PCDHGB4: variants seen among roughly 807,000 people sequenced by gnomAD.
The protein encoded by PCDHGB4 is protocadherin gamma-B4.
PCDHGB4 carries 38 observed loss-of-function variants against 60.5 expected under a neutral mutation model. The ratio of observed to expected loss-of-function variants is 0.63; its 90% CI spans 0.48 to 0.82. The LOEUF is 0.82. Among genes scored for constraint, PCDHGB4 ranks in the 40% least tolerant of loss-of-function variants. The pLI is 0.00. For missense variants in PCDHGB4, 1,109 were observed against 1,209.6 expected (o/e 0.92, Z 1.23); for synonymous variants, 456 against 509.7 (o/e 0.89, Z 1.42).
chr5:141,460,553 C>A (rs2098991893), intron 1 of PCDHGB4, among the ~76,000 whole-genome samples: 1 of 152,032 alleles, frequency 6.6e-6, no homozygotes. Context: ...AATCAAAAAT[C>A]ATTTGGCCAT....
chr5:141,404,880 T>C, intron 1 of PCDHGB4: 2 of 1,613,896 alleles, frequency 1.2e-6, no homozygotes, highest in Non-Finnish European at 8.5e-7. Flanking sequence ...CAGAGCCTTG[T>C]GGTGGCTGTA....
chr5:141,487,032 C>T lies in PCDHGB4; in HGVS notation c.2398-7775C>T. 6.2e-7 allele frequency: 1 copy of T among 1,614,210 alleles called. No individual in the cohort carries two copies. The highest frequency in any genetic ancestry group is 1.1e-5 in the South Asian group (1 of 91,084). ...GAGGCCCCAGATCCCAGCCTGTTTG[C>T]AGTCTCTCGATATGCTGGGGAGGTG... On this transcript the variant is annotated intron_variant, in intron 1 of 3. Coordinates refer to ENST00000519479, the MANE Select transcript of PCDHGB4 (RefSeq NM_003736.4). The surrounding 1 kb of genome is among the most constrained non-coding windows in gnomAD (Gnocchi z 5.0).
intron 1 of PCDHGB4, chr5:141,417,692 C>T (rs2096147964): frequency 1.8e-6 from 2 of 1,089,118 alleles, no homozygotes; most frequent in Non-Finnish European, 2.5e-6. Flanking sequence ...AAAAGAAAAC[C>T]AGCTCCCACA....
rs1225473275 is a variant in PCDHGB4 at position 141,512,442 on chromosome 5, TC to T, written c.*1271del. ...GGCCCCTGCCCTCCTGAAGCCTCAG[TC>T]CTTCACCTTGCCAGGTGCCGTTTCT... is the stretch of plus-strand genomic sequence containing the variant. On this transcript the variant is annotated 3_prime_UTR_variant, in exon 4 of 4. Transcript: ENST00000519479. 1 of 152,892 alleles carries T rather than the reference TC, an allele frequency of 6.5e-6. No individual in the cohort carries two copies. Among genetic ancestry groups the T allele is most frequent in the African/African-American group, 2.4e-5 (1 of 41,466 alleles). 9.5% of individuals were successfully genotyped at this position (152,892 alleles called of 1,614,324 possible).
intron 1 of PCDHGB4, chr5:141,408,778 A>G (rs1261786266): frequency 6.2e-7 from 1 of 1,612,198 alleles, no homozygotes; most frequent in Non-Finnish European, 8.5e-7. Flanking sequence ...GCAAATACCC[A>G]GAGTTATCTC....
chr5:141,394,487 C>T (rs371014360), intron 1 of PCDHGB4: 11 of 1,614,248 alleles, frequency 6.8e-6, no homozygotes, highest in African/African-American at 5.3e-5. Context: ...AGAATGACAA[C>T]GCGCCCGAGA....
In PCDHGB4 at chr5:141,423,130, G is replaced by T. The variant is rs770258338; in HGVS notation, c.2397+32849G>T. The T allele has an allele frequency of 2.5e-6, 4 of 1,613,700 alleles. No homozygotes were observed. Among genetic ancestry groups the T allele is most frequent in the Non-Finnish European group, 2.5e-6 (3 of 1,179,952 alleles). ...GGTGCGTACAGCGCGGGCACTGCTG[G>T]ACAGAGACGCGCTCAAGCAGAGCCT... On this transcript the variant is annotated intron_variant, in intron 1 of 3. Coordinates refer to ENST00000519479, the MANE Select transcript of PCDHGB4 (RefSeq NM_003736.4).
chr5:141,462,599 T>TGG (rs2099043404), intron 1 of PCDHGB4, among the ~76,000 whole-genome samples: 1 of 152,208 alleles, frequency 6.6e-6, no homozygotes, highest in African/African-American at 2.4e-5. Context: ...CCATTTCATA[T>TGG]ATTGTATTTT....
Position 141,487,642 on chromosome 5 carries a change from G to A in PCDHGB4, c.2398-7165G>A, listed in dbSNP as rs747328649. 1.2e-6 allele frequency: 2 copies of A among 1,614,130 alleles called. No individual in the cohort carries two copies. The highest frequency in any genetic ancestry group is 1.3e-5 in the African/African-American group (1 of 75,062). On this transcript the variant is annotated intron_variant, in intron 1 of 3. Transcript: ENST00000519479. This position sits in a 1 kb window ranked among gnomAD's most constrained non-coding sequence, Gnocchi z 5.0. ...TGAGACCTTTGCAGGCTCAACAAAT[G>A]CTTGAGGGTTATTCTGATCCAGGCA...
In PCDHGB4 at chr5:141,389,591, C is replaced by G. The variant is rs533336501; in HGVS notation, c.1707C>G (p.Gly569=). ...TGTACCCCGCGCTGGGTCCCGACGG[C>G]TCTGCGCTCTTCGATATGGTGCCGC... The part of the protein sequence containing the change: ...RVLYPALGPD[G]SALFDMVPHA... Residue 569 remains glycine (G), a synonymous_variant, in exon 1 of 4, where the codon GGC becomes GGG. Transcript: ENST00000519479. 2.1e-5 allele frequency: 34 copies of G among 1,613,176 alleles called. No homozygotes were observed. The African/African-American group carries it at 2.1e-4, about 10-fold the overall frequency.
At chr5:141,413,460 C>T (rs1561742736) in intron 1 of PCDHGB4, 4 of 1,613,974 alleles carry the variant, frequency 2.5e-6, no homozygotes, top group Middle Eastern at 1.6e-4. Context: ...GCAGGATAGA[C>T]CGGGAGGAGC....
chr5:141,432,528 A>T lies in PCDHGB4; in HGVS notation c.2397+42247A>T. The T allele has an allele frequency of 1.2e-6, 2 of 1,613,804 alleles. No homozygotes were observed. The highest frequency in any genetic ancestry group is 1.7e-6 in the Non-Finnish European group (2 of 1,180,000). ...GCAGAGCCCGGCTACCTGGTGACCA[A>T]GGTGGTGGCGGTGGACAGAGACTCC... is the stretch of plus-strand genomic sequence containing the variant. On this transcript the variant is annotated intron_variant, in intron 1 of 3. Transcript: ENST00000519479. This position sits in a 1 kb window ranked among gnomAD's most constrained non-coding sequence, Gnocchi z 6.0.
Position 141,487,297 on chromosome 5 carries a change from C to T in PCDHGB4, c.2398-7510C>T, listed in dbSNP as rs770262058. ...TTTGCTTTGTCTCCTTTGGCTCATT[C>T]GTGGCACTACTCTCTAAGTGTCTTC... On this transcript the variant is annotated intron_variant, in intron 1 of 3. Coordinates refer to ENST00000519479, the MANE Select transcript of PCDHGB4 (RefSeq NM_003736.4). This position sits in a 1 kb window ranked among gnomAD's most constrained non-coding sequence, Gnocchi z 5.0. The T allele has an allele frequency of 3.2e-5, 52 of 1,613,984 alleles. No homozygotes were observed. The highest frequency in any genetic ancestry group is 4.0e-5 in the African/African-American group (3 of 74,912).
chr5:141,486,722 G>C lies in PCDHGB4; in HGVS notation c.2398-8085G>C, dbSNP rs1235454839. The C allele has an allele frequency of 6.2e-7, 1 of 1,614,200 alleles. No homozygotes were observed. Among genetic ancestry groups the C allele is most frequent in the East Asian group, 2.2e-5 (1 of 44,874 alleles). ...CTCTCTGAACCCCCAGACAGGAGCT[G>C]TTCATGCTACTCGATCCTTTGACTA... On this transcript the variant is annotated intron_variant, in intron 1 of 3. Transcript: ENST00000519479. This position sits in a 1 kb window ranked among gnomAD's most constrained non-coding sequence, Gnocchi z 5.0.
intron 1 of PCDHGB4, chr5:141,412,158 G>A (rs188069449): frequency 1.3e-5 from 2 of 152,324 alleles, no homozygotes; most frequent in East Asian, 3.9e-4. Context: ...CCTAAGAGAA[G>A]AGATTATTTA....
Position 141,499,029 on chromosome 5 carries a change from A to AAGGAAGG in PCDHGB4, c.2456+4165_2456+4166insGGAAGGA, listed in dbSNP as rs1562187768. Among the ~76,000 whole-genome samples, 348 of 140,068 alleles carry AAGGAAGG rather than the reference A, an allele frequency of 2.5e-3. 2 individuals carry two copies. The highest frequency in any genetic ancestry group is 9.3e-3 in the African/African-American group (335 of 36,066). The allele number at this position is 140,068 out of a possible 152,430, so 91.9% of individuals were successfully genotyped here. ...GGAAGGAAGGAAGGAAGGAAGGAAG[A>AAGGAAGG]AAAGAAAGAAAAAGGGAGAAAAAAT... is the stretch of plus-strand genomic sequence containing the variant. On this transcript the variant is annotated intron_variant, in intron 2 of 3. Transcript: ENST00000519479.
In PCDHGB4 at chr5:141,423,972, T is replaced by C. The variant is rs1459859824; in HGVS notation, c.2397+33691T>C. ...TTTAGTATTATTTTTCTATTATCAG[T>C]GTATGAGGCTCTCAATTTATTATAT... On this transcript the variant is annotated intron_variant, in intron 1 of 3. Transcript: ENST00000519479. 4 of 1,128,544 alleles carry C rather than the reference T, an allele frequency of 3.5e-6. No homozygotes were observed. The East Asian group carries it at 1.9e-4, about 53-fold the overall frequency. The allele number at this position is 1,128,544 out of a possible 1,614,324, so 69.9% of individuals were successfully genotyped here.
At chr5:141,392,608 AT>A in intron 1 of PCDHGB4, 1 of 519,670 alleles carries the variant, frequency 1.9e-6, no homozygotes, top group Non-Finnish European at 3.3e-6. Context: ...TGGAAGACAA[AT>A]GCAACCGAAA....
At chr5:141,426,858 T>C (rs898486771) in intron 1 of PCDHGB4, 1 of 456,574 alleles carries the variant, frequency 2.2e-6, no homozygotes, top group Non-Finnish European at 4.4e-6. Context: ...CGCTCCAGAA[T>C]TAGTGCTGGA....
Sources: allele counts gnomAD v4.1 joint callset (sites outside exome capture counted in the v4.1 genomes callset), GRCh38; gene constraint gnomAD v4.1.1; non-coding constraint Gnocchi (gnomAD v3.1); transcripts MANE v1.5; gene names NCBI Gene and HGNC (gene_info 2026-07-23, HGNC 2026-07-21).